Variants in OSBPL3 observed in about 807,000 individuals in gnomAD.
The protein encoded by OSBPL3 is oxysterol binding protein like 3.
A neutral mutation model predicts 120.1 loss-of-function variants in OSBPL3; 65 were observed. The ratio of observed to expected loss-of-function variants is 0.54; its 90% CI spans 0.44 to 0.67. OSBPL3 has a LOEUF of 0.67. Among genes scored for constraint, OSBPL3 ranks in the 30% least tolerant of loss-of-function variants. OSBPL3 has a pLI of 0.00. For synonymous variants in OSBPL3, 416 were observed against 402.6 expected, an observed-to-expected ratio of 1.03 and a Z score of -0.40; for missense variants, 1,004 against 1,082.1, an observed-to-expected ratio of 0.93 and a Z score of 1.01.
Position 24,916,920 on chromosome 7 carries a change from C to CTG in OSBPL3, c.-149-24300_-149-24299insCA, listed in dbSNP as rs903690722. Among the ~76,000 whole-genome samples the CTG allele has an allele frequency of 6.7e-6, 1 of 148,644 alleles. No individual in the cohort carries two copies. The highest frequency in any genetic ancestry group is 2.5e-5 in the African/African-American group (1 of 40,812). On this transcript the variant is annotated intron_variant, in intron 1 of 22. Coordinates refer to ENST00000313367, the MANE Select transcript of OSBPL3 (RefSeq NM_015550.4). This position sits in a 1 kb window ranked among gnomAD's most constrained non-coding sequence, Gnocchi z 4.9. ...CCACTAAGACGTCTTCCATTTCCAC[C>CTG]CCCCCCAACCTTTTTAGAAAATTAA...
rs1488359756 is a variant in OSBPL3 at position 24,849,642 on chromosome 7, A to G, written c.1159-466T>C. On this transcript the variant is annotated intron_variant, in intron 11 of 22. Transcript: ENST00000313367. This position sits in a 1 kb window ranked among gnomAD's most constrained non-coding sequence, Gnocchi z 5.4. ...TCAATGTTACTTAATTATCATACCC[A>G]TTGAATCAGATTTTAGAAAGTGTGC... Among the ~76,000 whole-genome samples, 1 of 152,166 alleles carries G rather than the reference A, an allele frequency of 6.6e-6. No homozygotes were observed. The highest frequency in any genetic ancestry group is 1.5e-5 in the Non-Finnish European group (1 of 68,034).
intron 1 of OSBPL3, among the ~76,000 whole-genome samples, chr7:24,963,684 GC>G (rs1472573986): frequency 6.6e-6 from 1 of 152,222 alleles, no homozygotes; most frequent in African/African-American, 2.4e-5. Flanking sequence ...CCTGGGCCTA[GC>G]CTGGGATTTG....
Position 24,871,838 on chromosome 7 carries a change from G to A in OSBPL3, c.214-43C>T, listed in dbSNP as rs779035665. ...TTATTAATTAAGGCATTCAATTTAG[G>A]TGCCCTTTTCTTGGTCTCAAATTCC... On this transcript the variant is annotated intron_variant, in intron 3 of 22. Coordinates refer to ENST00000313367, the MANE Select transcript of OSBPL3 (RefSeq NM_015550.4). This position sits in a 1 kb window ranked among gnomAD's most constrained non-coding sequence, Gnocchi z 4.8. The A allele has an allele frequency of 1.3e-5, 20 of 1,532,402 alleles. No homozygotes were observed. Among genetic ancestry groups the A allele is most frequent in the African/African-American group, 2.7e-5 (2 of 73,112 alleles). The allele number at this position is 1,532,402 out of a possible 1,614,324, so 94.9% of individuals were successfully genotyped here.
intron 2 of OSBPL3, among the ~76,000 whole-genome samples, chr7:24,882,514 T>A (rs1216633558): frequency 6.6e-6 from 1 of 152,240 alleles, no homozygotes; most frequent in East Asian, 1.9e-4. Context: ...GGAAACAGGT[T>A]AATTTTATAT....
At chr7:24,907,685 C>G (rs1006624920) in intron 1 of OSBPL3, among the ~76,000 whole-genome samples, 1 of 152,190 alleles carries the variant, frequency 6.6e-6, no homozygotes, top group Non-Finnish European at 1.5e-5. Context: ...TTCAGCATTG[C>G]CTTTTCCATG....
chr7:24,806,154 G>A lies in OSBPL3; in HGVS notation c.2444+622C>T, dbSNP rs377413767. 3.3e-5 allele frequency among the ~76,000 whole-genome samples: 5 copies of A among 152,246 alleles called. 1 individual carries two copies. The highest frequency in any genetic ancestry group is 7.2e-5 in the African/African-American group (3 of 41,522). On this transcript the variant is annotated intron_variant, in intron 21 of 22. Coordinates refer to ENST00000313367, the MANE Select transcript of OSBPL3 (RefSeq NM_015550.4). The surrounding 1 kb of genome is among the most constrained non-coding windows in gnomAD (Gnocchi z 5.2). ...GTATTTTTAGTACAGACGGGGTTTC[G>A]CCATATTGGCCAGGCTGGTCTTGAA...
In OSBPL3 at chr7:24,821,693, G is replaced by A. The variant is rs1795153384; in HGVS notation, c.1885-1455C>T. 6.6e-6 allele frequency among the ~76,000 whole-genome samples: 1 copy of A among 152,120 alleles called. No individual in the cohort carries two copies. Among genetic ancestry groups the A allele is most frequent in the South Asian group, 2.1e-4 (1 of 4,826 alleles). On this transcript the variant is annotated intron_variant, in intron 16 of 22. Coordinates refer to ENST00000313367, the MANE Select transcript of OSBPL3 (RefSeq NM_015550.4). The surrounding 1 kb of genome is among the most constrained non-coding windows in gnomAD (Gnocchi z 5.5). Reference sequence around the variant, plus strand: ...TTCAGATTCCTCAATAAACACCAACGCCAGCTGCAATACAAAGCAGGAGAC... The same window carrying A: ...TTCAGATTCCTCAATAAACACCAACACCAGCTGCAATACAAAGCAGGAGAC...
chr7:24,798,196 G>C lies in OSBPL3; in HGVS notation c.*1987C>G, dbSNP rs1791920271. 6.6e-6 allele frequency: 1 copy of C among 152,188 alleles called. No homozygotes were observed. Among genetic ancestry groups the C allele is most frequent in the South Asian group, 2.1e-4 (1 of 4,824 alleles). 9.4% of individuals were successfully genotyped at this position (152,188 alleles called of 1,614,324 possible). ...ATAAGGGCAAGTGAAATAACATTAG[G>C]ATAATTAAAGATTTTCCAAATGCCA... On this transcript the variant is annotated 3_prime_UTR_variant, in exon 23 of 23. Transcript: ENST00000313367. This position sits in a 1 kb window ranked among gnomAD's most constrained non-coding sequence, Gnocchi z 4.6.
At chr7:24,958,824 G>A (rs1324711301) in intron 1 of OSBPL3, among the ~76,000 whole-genome samples, 1 of 152,076 alleles carries the variant, frequency 6.6e-6, no homozygotes, top group East Asian at 1.9e-4. Flanking sequence ...CTAGTGATGG[G>A]GATAATAAAA....
At chr7:24,874,672 AT>A (rs149753377) in intron 2 of OSBPL3, among the ~76,000 whole-genome samples, 75 of 151,232 alleles carry the variant, frequency 5.0e-4, no homozygotes, top group African/African-American at 1.4e-3. Context: ...AAGGAGTTGC[AT>A]TTTTTTTTCC....
At chr7:24,823,429 C>G (rs368990924) in intron 16 of OSBPL3, among the ~76,000 whole-genome samples, 63 of 152,040 alleles carry the variant, frequency 4.1e-4, no homozygotes, top group African/African-American at 1.4e-3. Context: ...TCTTGGTGAG[C>G]CTGATTTTAT....
At chr7:24,942,983 C>A (rs1015924886) in intron 1 of OSBPL3, among the ~76,000 whole-genome samples, 1 of 152,216 alleles carries the variant, frequency 6.6e-6, no homozygotes, top group Non-Finnish European at 1.5e-5. Context: ...GCTATTGCTT[C>A]TTCTGCAAAG....
intron 1 of OSBPL3, among the ~76,000 whole-genome samples, chr7:24,941,011 G>A (rs1476825024): frequency 1.3e-5 from 2 of 152,022 alleles, no homozygotes; most frequent in Admixed American, 6.6e-5. Flanking sequence ...AGTAGAGACG[G>A]GGTTTCACCA....
At chr7:24,801,878 T>C (rs1792404892) in intron 22 of OSBPL3, among the ~76,000 whole-genome samples, 1 of 152,250 alleles carries the variant, frequency 6.6e-6, no homozygotes, top group Admixed American at 6.5e-5. Flanking sequence ...TATTCCATTG[T>C]ATGGATGGAC....
At chr7:24,948,619 T>C (rs1294689792) in intron 1 of OSBPL3, among the ~76,000 whole-genome samples, 1 of 152,218 alleles carries the variant, frequency 6.6e-6, no homozygotes, top group African/African-American at 2.4e-5. Flanking sequence ...CATCTTTTCT[T>C]TGAGTAAATA....
At position 24,817,895 on chromosome 7, in the gene OSBPL3, G is replaced by T. The variant is rs909017253; in HGVS notation, c.1949-1207C>A. 6.6e-5 allele frequency among the ~76,000 whole-genome samples: 10 copies of T among 152,288 alleles called. No individual in the cohort carries two copies. The highest frequency in any genetic ancestry group is 2.4e-4 in the African/African-American group (10 of 41,548). ...TTTCTCTAACTTGCAATGAATGGTG[G>T]TACCAACAGAGAAGCCAGGAAATAG... is the stretch of plus-strand genomic sequence containing the variant. On this transcript the variant is annotated intron_variant, in intron 17 of 22. Transcript: ENST00000313367. The surrounding 1 kb of genome is among the most constrained non-coding windows in gnomAD (Gnocchi z 4.0).
chr7:24,808,396 GAA>G lies in OSBPL3; in HGVS notation c.2317+1409_2317+1410del. Among the ~76,000 whole-genome samples, 1 of 152,278 alleles carries G rather than the reference GAA, an allele frequency of 6.6e-6. No individual in the cohort carries two copies. The highest frequency in any genetic ancestry group is 2.1e-4 in the South Asian group (1 of 4,824). On this transcript the variant is annotated intron_variant, in intron 20 of 22. Coordinates refer to ENST00000313367, the MANE Select transcript of OSBPL3 (RefSeq NM_015550.4). This position sits in a 1 kb window ranked among gnomAD's most constrained non-coding sequence, Gnocchi z 4.6. ...GCCATTAGAGAGACATAAAGTCAAG[GAA>G]TAATGACAGTAACAAAAATTTAAAC...
chr7:24,801,972 T>G (rs6958470), intron 22 of OSBPL3, among the ~76,000 whole-genome samples: 26,167 of 152,208 alleles, frequency 0.17, 5,214 homozygotes, highest in African/African-American at 0.49. Context: ...TGTATGTGTG[T>G]GAGTACGGTT....
chr7:24,856,539 G>A (rs555707287), intron 10 of OSBPL3, among the ~76,000 whole-genome samples: 3 of 152,270 alleles, frequency 2.0e-5, no homozygotes, highest in Admixed American at 6.5e-5. Context: ...TGTGGTACAG[G>A]AGAAAGAAAT....
Sources: allele counts gnomAD v4.1 joint callset (sites outside exome capture counted in the v4.1 genomes callset), GRCh38; gene constraint gnomAD v4.1.1; non-coding constraint Gnocchi (gnomAD v3.1); transcripts MANE v1.5; gene names NCBI Gene and HGNC (gene_info 2026-07-23, HGNC 2026-07-21).